Variants in CDYL observed in about 807,000 individuals in gnomAD.
The protein encoded by CDYL is chromodomain Y like.
CDYL carries 8 observed loss-of-function variants against 47.3 expected under a neutral mutation model. The observed-to-expected ratio is 0.17, with a 90% CI of 0.10 to 0.31. The LOEUF (loss-of-function observed/expected upper bound fraction) is 0.31. Among genes scored for constraint, CDYL ranks in the 10% least tolerant of loss-of-function variants. CDYL has a pLI of 1.00. For missense variants in CDYL, 471 were observed against 701.4 expected (o/e 0.67, Z 3.71); for synonymous variants, 266 against 265.0 (o/e 1.00, Z -0.04).
At chr6:4,855,124 A>G (rs368476893) in intron 1 of CDYL, among the ~76,000 whole-genome samples, 1 of 152,228 alleles carries the variant, frequency 6.6e-6, no homozygotes, top group East Asian at 1.9e-4. Context: ...TAGATTGACT[A>G]TATAGATAGA....
At chr6:4,716,593 A>ATTTT (rs35154777) in intron 2 of CDYL, among the ~76,000 whole-genome samples, 18,276 of 119,296 alleles carry the variant, frequency 0.15, 1,407 homozygotes, top group East Asian at 0.23. Context: ...GGCAGCAATA[A>ATTTT]TTTTTTTTTT....
intron 1 of CDYL, among the ~76,000 whole-genome samples, chr6:4,803,326 C>CT (rs1334411916): frequency 5.9e-5 from 9 of 152,200 alleles, no homozygotes. Context: ...GGTCCTGCAG[C>CT]TTTTGCCCAT....
rs62384834 is a variant in CDYL, at chr6:4,748,682, A to C, written c.186+13838A>C. Among the ~76,000 whole-genome samples the C allele has an allele frequency of 3.3e-3, 220 of 66,604 alleles. 1 individual carries two copies. The highest frequency in any genetic ancestry group is 9.0e-3 in the African/African-American group (206 of 22,986). The allele number at this position is 66,604 out of a possible 152,430, so 43.7% of individuals were successfully genotyped here. On this transcript the variant is annotated intron_variant, in intron 3 of 8. Transcript: ENST00000328908. ...ACACACACACACACACACACACACA[A>C]ACAAATTTTAGTAAAAAAAAATATA...
In CDYL at chr6:4,874,467, G is replaced by A. The variant is rs930036004; in HGVS notation, c.25-17246G>A. Among the ~76,000 whole-genome samples the A allele has an allele frequency of 2.6e-5, 4 of 152,112 alleles. No homozygotes were observed. In the South Asian group the frequency reaches 6.2e-4, roughly 24 times the overall value. On this transcript the variant is annotated intron_variant, in intron 1 of 6. Transcript: ENST00000397588. ...GAAGCTCTGCCTGTGAGGACCCCAC[G>A]CTCTCTGAAAACCCAGCTGCAGTGT...
intron 2 of CDYL, among the ~76,000 whole-genome samples, chr6:4,906,457 T>A (rs1757239965): frequency 2.0e-5 from 3 of 152,170 alleles, no homozygotes; most frequent in African/African-American, 7.2e-5. Flanking sequence ...TGCGGCTGCC[T>A]CTGTACCTGC....
intron 3 of CDYL, among the ~76,000 whole-genome samples, chr6:4,735,130 T>C (rs971844238): frequency 1.3e-5 from 2 of 151,822 alleles, no homozygotes; most frequent in African/African-American, 2.4e-5. Flanking sequence ...CTACTAAAAA[T>C]ACAAAATTTG....
At chr6:4,734,965 T>C in intron 3 of CDYL, 2 of 1,464,718 alleles carry the variant, frequency 1.4e-6, no homozygotes, top group South Asian at 2.8e-5. Context: ...GTCCCTTTGG[T>C]GGTCTGGTGA....
intron 1 of CDYL, among the ~76,000 whole-genome samples, chr6:4,830,580 TTTTA>T (rs1181304626): frequency 2.6e-5 from 4 of 151,640 alleles, no homozygotes; most frequent in South Asian, 2.1e-4. Flanking sequence ...CTTAGGTTTC[TTTTA>T]TTTATTTATT....
At chr6:4,843,651 T>C (rs1210117500) in intron 1 of CDYL, among the ~76,000 whole-genome samples, 1 of 152,086 alleles carries the variant, frequency 6.6e-6, no homozygotes, top group Non-Finnish European at 1.5e-5. Flanking sequence ...TTTCTCTAAG[T>C]GTGTTTTTCA....
rs77320976 is a variant in CDYL at position 4,863,483 on chromosome 6, A to G, written c.25-28230A>G. ...TTAAAAAAAGGTCACTTTACACTCAAAAAGAATGATCCTTCCAAAGGAATT... is the reference window on the plus strand; with the variant it reads ...TTAAAAAAAGGTCACTTTACACTCAGAAAGAATGATCCTTCCAAAGGAATT... On this transcript the variant is annotated intron_variant, in intron 1 of 6. Coordinates refer to ENST00000397588, the MANE Select transcript of CDYL (RefSeq NM_004824.4). Among the ~76,000 whole-genome samples, 1,157 of 152,322 alleles carry G rather than the reference A, an allele frequency of 7.6e-3. 14 individuals carry two copies. Among genetic ancestry groups the G allele is most frequent in the African/African-American group, 0.027 (1,121 of 41,548 alleles).
Position 4,879,552 on chromosome 6 carries a change from GTTT to G in CDYL, c.25-12140_25-12138del, listed in dbSNP as rs59685693. ...AATATTTCCATTTCTTTTTTGTGGG[GTTT>G]TTTTTTTTTTTTTTTTTTTTGAGAC... On this transcript the variant is annotated intron_variant, in intron 1 of 6. Coordinates refer to ENST00000397588, the MANE Select transcript of CDYL (RefSeq NM_004824.4). 2.3e-3 allele frequency among the ~76,000 whole-genome samples: 239 copies of G among 106,192 alleles called. 3 individuals are homozygous for G. The highest frequency in any genetic ancestry group is 7.9e-3 in the Middle Eastern group (1 of 126). 69.7% of individuals were successfully genotyped at this position (106,192 alleles called of 152,430 possible). A position where few individuals can be genotyped will look rare whatever the true frequency, so the allele number is the denominator to read the frequency against.
At chr6:4,831,471 G>T (rs1760142282) in intron 1 of CDYL, among the ~76,000 whole-genome samples, 1 of 152,138 alleles carries the variant, frequency 6.6e-6, no homozygotes, top group South Asian at 2.1e-4. Context: ...ATGCTGTTTT[G>T]GTTACTGTAG....
intron 2 of CDYL, among the ~76,000 whole-genome samples, chr6:4,721,134 G>T (rs1347213331): frequency 2.0e-5 from 3 of 152,064 alleles, no homozygotes; most frequent in African/African-American, 7.2e-5. Context: ...TATTTCTCAG[G>T]ATAACCATAT....
chr6:4,783,743 G>A (rs1758680794), intron 1 of CDYL, among the ~76,000 whole-genome samples: 1 of 152,146 alleles, frequency 6.6e-6, no homozygotes, highest in Non-Finnish European at 1.5e-5. Context: ...CATAGGTGCA[G>A]TCACTTTATA....
intron 1 of CDYL, among the ~76,000 whole-genome samples, chr6:4,828,252 C>CT (rs11324291): frequency 1.1e-3 from 88 of 79,098 alleles, no homozygotes; most frequent in Middle Eastern, 9.3e-3. Context: ...TAACTTTCAG[C>CT]TTTTTTTTTT....
chr6:4,940,980 A>T (rs1357694692), intron 4 of CDYL, among the ~76,000 whole-genome samples: 1 of 152,224 alleles, frequency 6.6e-6, no homozygotes, highest in East Asian at 1.9e-4. Flanking sequence ...TTCCTTTGAC[A>T]GTCCCTACAT....
rs949150292 is a variant in CDYL at position 4,723,753 on chromosome 6, CAT to C, written c.103+7874_103+7875del. On this transcript the variant is annotated intron_variant, in intron 2 of 8. Coordinates refer to the CDYL transcript ENST00000328908. Reference sequence around the variant, plus strand: ...TGAGTCTGAAGGCACACAAACAACACATAAGCCTGGCCCCTGCTCTTGGCAAC... The same window carrying C: ...TGAGTCTGAAGGCACACAAACAACACAAGCCTGGCCCCTGCTCTTGGCAAC... 1.6e-4 allele frequency among the ~76,000 whole-genome samples: 24 copies of C among 152,326 alleles called. 2 individuals are homozygous for C. The highest frequency in any genetic ancestry group is 5.2e-4 in the Admixed American group (8 of 15,298).
chr6:4,847,098 A>G (rs1295667641), intron 1 of CDYL, among the ~76,000 whole-genome samples: 1 of 152,196 alleles, frequency 6.6e-6, no homozygotes, highest in Non-Finnish European at 1.5e-5. Flanking sequence ...AAAACCCAGC[A>G]TGGACCACCC....
intron 1 of CDYL, among the ~76,000 whole-genome samples, chr6:4,794,601 G>A: frequency 6.6e-6 from 1 of 152,194 alleles, no homozygotes; most frequent in East Asian, 1.9e-4. Flanking sequence ...CCAGGAGAGA[G>A]AGAGTGCAGG....
Sources: allele counts gnomAD v4.1 joint callset (sites outside exome capture counted in the v4.1 genomes callset), GRCh38; gene constraint gnomAD v4.1.1; transcripts MANE v1.5; gene names NCBI Gene and HGNC (gene_info 2026-07-23, HGNC 2026-07-21).